Variants in PRDM11 observed in about 807,000 individuals in gnomAD.
PRDM11 encodes PR domain-containing protein 11.
A neutral mutation model predicts 97.8 loss-of-function variants in PRDM11; 20 were observed. That is an observed-to-expected ratio of 0.20 (90% CI 0.14 to 0.30). PRDM11 has a LOEUF of 0.30. Among genes scored for constraint, PRDM11 ranks in the 10% least tolerant of loss-of-function variants. The probability of loss-of-function intolerance (pLI) is 1.00; values close to 1 mark genes in which losing one functional copy is unlikely to be tolerated. For missense variants in PRDM11, 1,139 were observed against 1,555.2 expected, an observed-to-expected ratio of 0.73 and a Z score of 4.50; for synonymous variants, 599 against 637.7, an observed-to-expected ratio of 0.94 and a Z score of 0.91.
chr11:45,138,657 T>A (rs1852928906), intron 1 of PRDM11, among the ~76,000 whole-genome samples: 1 of 152,134 alleles, frequency 6.6e-6, no homozygotes, highest in Non-Finnish European at 1.5e-5. Flanking sequence ...TTGGGGCAAC[T>A]CTCCACTAAG....
At chr11:45,137,805 C>A (rs1423682879) in intron 1 of PRDM11, among the ~76,000 whole-genome samples, 2 of 152,188 alleles carry the variant, frequency 1.3e-5, no homozygotes, top group Admixed American at 1.3e-4. Flanking sequence ...TTTGAGCCCT[C>A]CAGTTCCTTC....
intron 5 of PRDM11, among the ~76,000 whole-genome samples, chr11:45,206,306 G>A (rs1407741775): frequency 5.9e-5 from 9 of 152,198 alleles, no homozygotes; most frequent in African/African-American, 2.2e-4. Flanking sequence ...CAGAGGCCCA[G>A]ATGAAAGAGG....
intron 1 of PRDM11, among the ~76,000 whole-genome samples, chr11:45,104,940 C>T (rs1852036558): frequency 6.6e-6 from 1 of 152,228 alleles, no homozygotes; most frequent in Admixed American, 6.5e-5. Flanking sequence ...GTAATTCCAC[C>T]CCATTCCCAT....
At chr11:45,201,816 A>C (rs1011710834) in intron 4 of PRDM11, among the ~76,000 whole-genome samples, 8 of 151,874 alleles carry the variant, frequency 5.3e-5, no homozygotes, top group African/African-American at 1.9e-4. Context: ...AAAAAAACAC[A>C]AAAAAAATTA....
At chr11:45,162,247 C>T (rs916807818) in intron 1 of PRDM11, among the ~76,000 whole-genome samples, 2 of 152,058 alleles carry the variant, frequency 1.3e-5, no homozygotes, top group African/African-American at 4.8e-5. Context: ...AGGTATCGCT[C>T]TCTACACCTG....
chr11:45,113,628 C>T (rs1852232244), intron 1 of PRDM11, among the ~76,000 whole-genome samples: 1 of 152,054 alleles, frequency 6.6e-6, no homozygotes, highest in Non-Finnish European at 1.5e-5. Flanking sequence ...TTTCTTTCAG[C>T]AGTGTTTTAT....
chr11:45,096,510 G>C (rs1851888844), intron 1 of PRDM11, among the ~76,000 whole-genome samples: 1 of 152,178 alleles, frequency 6.6e-6, no homozygotes, highest in Admixed American at 6.5e-5. Context: ...GGTGCAGGCA[G>C]GGTCCTGGGA....
upstream of PRDM11, among the ~76,000 whole-genome samples, chr11:45,145,455 CAGCA>C (rs1851485757): frequency 6.6e-6 from 1 of 152,228 alleles, no homozygotes; most frequent in Non-Finnish European, 1.5e-5. Context: ...GGATCGCCAG[CAGCA>C]AGGTTGACAC....
At chr11:45,210,105 C>T (rs1299885572) in intron 5 of PRDM11, among the ~76,000 whole-genome samples, 2 of 152,154 alleles carry the variant, frequency 1.3e-5, no homozygotes, top group South Asian at 2.1e-4. Flanking sequence ...TGTGAAGGCC[C>T]GGGCCGGGCC....
At chr11:45,224,999 A>G in intron 7 of PRDM11, 156 bp downstream of exon 7, 1 of 1,493,844 alleles carries the variant, frequency 6.7e-7, no homozygotes, top group Non-Finnish European at 8.9e-7. Flanking sequence ...CCAGGTCCTC[A>G]GTGTCTCTGG....
rs190337560 is a variant in PRDM11 at position 45,099,727 on chromosome 11, G to C, written c.96+3826G>C. Among the ~76,000 whole-genome samples the C allele has an allele frequency of 5.3e-5, 8 of 152,258 alleles. 1 individual carries two copies. The highest frequency in any genetic ancestry group is 5.2e-4 in the Admixed American group (8 of 15,300). Reference sequence around the variant, plus strand: ...TTGTGTTATAAACAATCCAATTACAGTGTTTTCATTATTTTAAACTGTACA... The same window carrying C: ...TTGTGTTATAAACAATCCAATTACACTGTTTTCATTATTTTAAACTGTACA... On this transcript the variant is annotated intron_variant, in intron 1 of 6. Transcript: ENST00000530656.
chr11:45,099,618 CAT>C (rs1410373442), intron 1 of PRDM11, among the ~76,000 whole-genome samples: 1 of 151,494 alleles, frequency 6.6e-6, no homozygotes, highest in East Asian at 1.9e-4. Context: ...GTATGGGGCA[CAT>C]GAGATGTTCT....
At position 45,134,603 on chromosome 11, in the gene PRDM11, G is replaced by A. The variant is rs1290030228; in HGVS notation, c.96+38702G>A. ...AGTCCCAGCTACTTGGGAGGCTGAG[G>A]TGGGAGAATCGCTTGAGCCTGGGAG... is the stretch of plus-strand genomic sequence containing the variant. On this transcript the variant is annotated intron_variant, in intron 1 of 6. Coordinates refer to the PRDM11 transcript ENST00000530656. Among the ~76,000 whole-genome samples, 16 of 149,208 alleles carry A rather than the reference G, an allele frequency of 1.1e-4. No homozygotes were observed. The Admixed American group carries it at 1.1e-3, about 10-fold the overall frequency.
chr11:45,119,973 A>G (rs1852395114), intron 1 of PRDM11, among the ~76,000 whole-genome samples: 2 of 152,208 alleles, frequency 1.3e-5, no homozygotes, highest in African/African-American at 4.8e-5. Flanking sequence ...TCAGCATGTG[A>G]AAATAAATAC....
At chr11:45,140,600 C>A (rs1851379916) in intron 1 of PRDM11, among the ~76,000 whole-genome samples, 1 of 152,142 alleles carries the variant, frequency 6.6e-6, no homozygotes, top group Admixed American at 6.5e-5. Context: ...AGTGGCAGCC[C>A]TTTTTGTTGG....
intron 1 of PRDM11, among the ~76,000 whole-genome samples, chr11:45,137,788 G>A (rs1852903901): frequency 6.6e-6 from 1 of 152,178 alleles, no homozygotes; most frequent in South Asian, 2.1e-4. Flanking sequence ...AGATGGGTAA[G>A]GAGCTGTTTG....
chr11:45,194,895 G>A (rs1166254615), intron 4 of PRDM11, among the ~76,000 whole-genome samples: 10 of 152,102 alleles, frequency 6.6e-5, no homozygotes, highest in African/African-American at 2.2e-4. Context: ...ACCGCGCCCG[G>A]CCAGTTATTA....
At chr11:45,185,717 TAGAG>T (rs1172967220) in intron 4 of PRDM11, among the ~76,000 whole-genome samples, 3 of 152,132 alleles carry the variant, frequency 2.0e-5, no homozygotes, top group Admixed American at 1.3e-4. Flanking sequence ...TTAGAGCAGA[TAGAG>T]ATAGTTAGGT....
At chr11:45,123,560 T>C (rs1852492223) in intron 1 of PRDM11, among the ~76,000 whole-genome samples, 1 of 152,170 alleles carries the variant, frequency 6.6e-6, no homozygotes, top group Non-Finnish European at 1.5e-5. Flanking sequence ...GCTTTCTACA[T>C]ATGGCTAGCC....
Sources: allele counts gnomAD v4.1 joint callset (sites outside exome capture counted in the v4.1 genomes callset), GRCh38; gene constraint gnomAD v4.1.1; transcripts MANE v1.5; gene names NCBI Gene and HGNC (gene_info 2026-07-23, HGNC 2026-07-21).